The following SOBP variants were observed in gnomAD, a reference collection of about 807,000 sequenced individuals.
SOBP encodes sine oculis-binding protein homolog.
In SOBP, 4 loss-of-function variants were observed where a neutral mutation model predicts 53.6. The ratio of observed to expected loss-of-function variants is 0.07; its 90% CI spans 0.04 to 0.17. SOBP has a LOEUF of 0.17. Ranked by LOEUF, SOBP falls within the 10% of genes least tolerant of loss-of-function variation. The pLI is 1.00. For synonymous variants in SOBP, 584 were observed against 522.6 expected, an observed-to-expected ratio of 1.12 and a Z score of -1.60; for missense variants, 1,088 against 1,204.7, an observed-to-expected ratio of 0.90 and a Z score of 1.43.
At chr6:107,544,319 T>C (rs1784234362) in intron 4 of SOBP, among the ~76,000 whole-genome samples, 1 of 152,220 alleles carries the variant, frequency 6.6e-6, no homozygotes, top group South Asian at 2.1e-4. Context: ...CATTATTAAT[T>C]AATCTATTTA....
intron 3 of SOBP, among the ~76,000 whole-genome samples, chr6:107,506,754 A>T (rs774436944): frequency 2.0e-5 from 3 of 152,164 alleles, no homozygotes; most frequent in Non-Finnish European, 4.4e-5. Flanking sequence ...TAAAATATAG[A>T]CAATGACTGT....
chr6:107,542,431 G>A (rs1318790406), intron 4 of SOBP, among the ~76,000 whole-genome samples: 4 of 152,178 alleles, frequency 2.6e-5, no homozygotes, highest in Non-Finnish European at 5.9e-5. Flanking sequence ...GCCAAATGAC[G>A]TAGGCTGGAG....
At chr6:107,552,083 G>A (rs556294963) in intron 4 of SOBP, among the ~76,000 whole-genome samples, 2 of 152,306 alleles carry the variant, frequency 1.3e-5, no homozygotes, top group African/African-American at 4.8e-5. Context: ...CTTGAAAATA[G>A]TAGGTAAATA....
At chr6:107,606,893 G>A (rs1042464036) in intron 5 of SOBP, among the ~76,000 whole-genome samples, 1 of 152,192 alleles carries the variant, frequency 6.6e-6, no homozygotes, top group Non-Finnish European at 1.5e-5. Context: ...GATGTCCAAC[G>A]TGGAGCTTAT....
chr6:107,557,553 C>T (rs939480155), intron 4 of SOBP, among the ~76,000 whole-genome samples: 10 of 152,164 alleles, frequency 6.6e-5, no homozygotes, highest in African/African-American at 2.2e-4. Context: ...ATATCAGACT[C>T]GGTCAATATA....
chr6:107,637,890 A>G (rs1017575841), intron 6 of SOBP, among the ~76,000 whole-genome samples: 8 of 152,234 alleles, frequency 5.3e-5, no homozygotes, highest in Non-Finnish European at 1.0e-4. Flanking sequence ...AAAAATATCA[A>G]CCTGGCTCCA....
At chr6:107,503,487 A>G (rs1346985976) in intron 1 of SOBP, among the ~76,000 whole-genome samples, 170 bp from the exon 2 acceptor site, 2 of 152,220 alleles carry the variant, frequency 1.3e-5, no homozygotes, top group Non-Finnish European at 2.9e-5. Context: ...TCATCCTAAG[A>G]TTTAAAAACA....
chr6:107,533,222 G>A (rs1783886254), intron 3 of SOBP, among the ~76,000 whole-genome samples: 1 of 120,416 alleles, frequency 8.3e-6, no homozygotes, highest in Non-Finnish European at 1.6e-5. Flanking sequence ...TTGTGGCTCT[G>A]CAGTCATGCT....
chr6:107,526,206 G>A (rs968761713), intron 3 of SOBP, among the ~76,000 whole-genome samples: 23 of 152,018 alleles, frequency 1.5e-4, no homozygotes, highest in Admixed American at 1.1e-3. Flanking sequence ...ACCCACTTTG[G>A]CCTCCCAAAG....
chr6:107,598,275 C>T (rs780645759), intron 5 of SOBP, among the ~76,000 whole-genome samples: 4 of 152,008 alleles, frequency 2.6e-5, no homozygotes, highest in East Asian at 1.9e-4. Context: ...AATAGGAATA[C>T]GTATTAAAAT....
intron 4 of SOBP, among the ~76,000 whole-genome samples, chr6:107,549,047 C>G (rs1426603000): frequency 1.3e-5 from 2 of 152,142 alleles, no homozygotes; most frequent in Non-Finnish European, 2.9e-5. Context: ...GCGGGCAGAT[C>G]ATGAGTTCAG....
At chr6:107,578,913 G>T (rs1337260020) in intron 4 of SOBP, among the ~76,000 whole-genome samples, 1 of 152,090 alleles carries the variant, frequency 6.6e-6, no homozygotes, top group Non-Finnish European at 1.5e-5. Flanking sequence ...CATTTTCTCT[G>T]ATTTCTCAGG....
chr6:107,638,150 C>T (rs1374247569), intron 6 of SOBP, among the ~76,000 whole-genome samples: 2 of 152,230 alleles, frequency 1.3e-5, no homozygotes, highest in African/African-American at 4.8e-5. Context: ...AGCACAGTCT[C>T]AACCTGCCAC....
chr6:107,650,763 A>T (rs949742618), intron 6 of SOBP, among the ~76,000 whole-genome samples: 2 of 152,208 alleles, frequency 1.3e-5, no homozygotes, highest in Non-Finnish European at 2.9e-5. Flanking sequence ...TAATTCTATG[A>T]TGGCCTCTAA....
chr6:107,500,261 C>T (rs150414417), intron 1 of SOBP, among the ~76,000 whole-genome samples: 8 of 151,654 alleles, frequency 5.3e-5, no homozygotes, highest in East Asian at 2.0e-4. Flanking sequence ...TGGTGGCTTG[C>T]GCCTGTACTC....
At chr6:107,498,037 T>C (rs772172100) in intron 1 of SOBP, among the ~76,000 whole-genome samples, 3 of 152,206 alleles carry the variant, frequency 2.0e-5, no homozygotes, top group Non-Finnish European at 2.9e-5. Flanking sequence ...TAAAATTAGG[T>C]TTTCCTGAAT....
chr6:107,538,463 T>G (rs1308745100), intron 4 of SOBP, among the ~76,000 whole-genome samples: 1 of 152,246 alleles, frequency 6.6e-6, no homozygotes, highest in Non-Finnish European at 1.5e-5. Context: ...CTTTTGCCAG[T>G]TGCTGGCAAA....
At chr6:107,605,431 C>T (rs1390014928) in intron 5 of SOBP, among the ~76,000 whole-genome samples, 5 of 152,148 alleles carry the variant, frequency 3.3e-5, no homozygotes, top group South Asian at 2.1e-4. Context: ...AATATGTAGG[C>T]GAAAAACAAA....
chr6:107,490,746 GCT>G, intron 1 of SOBP, 34 bp downstream of exon 1: 2 of 1,486,164 alleles, frequency 1.3e-6, no homozygotes, highest in East Asian at 4.8e-5. Context: ...GGGAGACTGA[GCT>G]CTTTCTTGCG....
Sources: allele counts gnomAD v4.1 joint callset (sites outside exome capture counted in the v4.1 genomes callset), GRCh38; gene constraint gnomAD v4.1.1; transcripts MANE v1.5; gene names NCBI Gene and HGNC (gene_info 2026-07-23, HGNC 2026-07-21).